ATG2B: variants seen among roughly 807,000 people sequenced by gnomAD.
ATG2B encodes autophagy-related protein 2 homolog B.
A neutral mutation model predicts 241.3 loss-of-function variants in ATG2B; 121 were observed. That is an observed-to-expected ratio of 0.50 (90% CI 0.43 to 0.58). The LOEUF is 0.58. ATG2B is among the 20% of genes least tolerant of loss of function. ATG2B has a pLI of 0.00. For synonymous variants in ATG2B, 858 were observed against 876.6 expected (o/e 0.98, Z 0.37); for missense variants, 2,306 against 2,491.6 (o/e 0.93, Z 1.59).
At chr14:96,344,311 A>C (rs982089759) in intron 4 of ATG2B, among the ~76,000 whole-genome samples, 2 of 152,230 alleles carry the variant, frequency 1.3e-5, no homozygotes, top group Admixed American at 1.3e-4. Context: ...AAATATGCCT[A>C]AATATTGCAT....
chr14:96,334,269 A>G, intron 7 of ATG2B, 136 bp downstream of exon 7: 1 of 625,560 alleles, frequency 1.6e-6, no homozygotes, highest in Non-Finnish European at 2.8e-6. Context: ...TTTACTACTT[A>G]ACATTCTTAT....
At chr14:96,305,171 C>T (rs934416623) in intron 31 of ATG2B, among the ~76,000 whole-genome samples, 50 of 152,312 alleles carry the variant, frequency 3.3e-4, no homozygotes, top group African/African-American at 8.2e-4. Context: ...GTCTCACAGG[C>T]GCTCAATGAC....
rs1310851833 is a variant in ATG2B at position 96,285,895 on chromosome 14, G to T, written c.6097C>A (p.Arg2033Ser). 6.2e-7 allele frequency: 1 copy of T among 1,614,064 alleles called. No individual in the cohort carries two copies. The highest frequency in any genetic ancestry group is 8.5e-7 in the Non-Finnish European group (1 of 1,180,030). Reference protein sequence around the residue: ...GVTGAVGEVLRQIPPAVVKPL... With the variant: ...GVTGAVGEVLSQIPPAVVKPL... ...TTCACCACTGCCGGAGGAATCTGGC[G>T]CAGAACCTCGCCCACGGCACCAGTC... The change falls in exon 42 of 42, where the codon CGC becomes AGC. Residue 2033 changes from arginine (R) to serine (S), a missense_variant. Arg to Ser is a moderately radical substitution (Grantham distance 110, BLOSUM62 -1). This residue lies in a region of ATG2B where 379 missense variants were observed against 480.4 expected (regional missense o/e 0.79). Transcript: ENST00000359933. The surrounding 1 kb of genome is among the most constrained non-coding windows in gnomAD (Gnocchi z 4.2).
chr14:96,290,099 G>A lies in ATG2B; in HGVS notation c.5857-294C>T. The A allele has an allele frequency of 1.6e-6, 2 of 1,225,106 alleles. No homozygotes were observed. The highest frequency in any genetic ancestry group is 2.1e-6 in the Non-Finnish European group (2 of 970,172). The allele number at this position is 1,225,106 out of a possible 1,614,324, so 75.9% of individuals were successfully genotyped here. A position where few individuals can be genotyped will look rare whatever the true frequency, so the allele number is the denominator to read the frequency against. On this transcript the variant is annotated intron_variant, in intron 40 of 41. Coordinates refer to ENST00000359933, the MANE Select transcript of ATG2B (RefSeq NM_018036.7). The surrounding 1 kb of genome is among the most constrained non-coding windows in gnomAD (Gnocchi z 4.4). The stretch of plus-strand genomic sequence containing the variant: ...AGTCTATGGAGCTTAATACTTACTA[G>A]AATGATCTTTAATACTTCTGTTTAA...
At chr14:96,342,864 T>G (rs1888078246) in intron 5 of ATG2B, among the ~76,000 whole-genome samples, 1 of 152,072 alleles carries the variant, frequency 6.6e-6, no homozygotes, top group African/African-American at 2.4e-5. Context: ...GATACTCAAC[T>G]TCTACACCAT....
chr14:96,349,226 G>T (rs1167476422), intron 1 of ATG2B, among the ~76,000 whole-genome samples: 7 of 152,186 alleles, frequency 4.6e-5, no homozygotes, highest in Non-Finnish European at 1.0e-4. Context: ...ATACATGCAG[G>T]CATATTTGAT....
chr14:96,291,481 G>T, intron 38 of ATG2B, 119 bp downstream of exon 38: 1 of 598,040 alleles, frequency 1.7e-6, no homozygotes, highest in Non-Finnish European at 2.9e-6. Flanking sequence ...CTAAAAATGA[G>T]CTCTCTAAAT....
intron 23 of ATG2B, among the ~76,000 whole-genome samples, chr14:96,313,724 T>G (rs976524628): frequency 2.6e-5 from 4 of 152,158 alleles, no homozygotes; most frequent in Non-Finnish European, 5.9e-5. Context: ...AAAAATAAAT[T>G]TTTTAAAAGT....
At position 96,312,168 on chromosome 14, in the gene ATG2B, A is replaced by G; in HGVS notation, c.3843-9T>C. On this transcript the variant is annotated splice_polypyrimidine_tract_variant and intron_variant, in intron 25 of 41. Transcript: ENST00000359933. ...CTTCATCCAAGATTATTCTGAGGCA[A>G]GAAAGATAAAACCAACATCTGAAAA... The G allele has an allele frequency of 6.3e-7, 1 of 1,594,524 alleles. No individual in the cohort carries two copies.
Position 96,285,504 on chromosome 14 carries a change from C to T in ATG2B, c.*251G>A. ...GTCATCTTAACAAAAGTGAGCCTTC[C>T]ACTAACTTGGCAGCAAATGCTTTAA... On this transcript the variant is annotated 3_prime_UTR_variant, in exon 42 of 42. Transcript: ENST00000359933. The surrounding 1 kb of genome is among the most constrained non-coding windows in gnomAD (Gnocchi z 4.2). The T allele has an allele frequency of 2.0e-6, 1 of 503,676 alleles. No individual in the cohort carries two copies. The highest frequency in any genetic ancestry group is 3.6e-6 in the Non-Finnish European group (1 of 279,164). The allele number at this position is 503,676 out of a possible 1,614,324, so 31.2% of individuals were successfully genotyped here. A position where few individuals can be genotyped will look rare whatever the true frequency, so the allele number is the denominator to read the frequency against.
chr14:96,293,003 T>G (rs1049456853), intron 36 of ATG2B: 2 of 152,232 alleles, frequency 1.3e-5, no homozygotes, highest in Admixed American at 6.5e-5. Flanking sequence ...TGTATTATTT[T>G]TATTGCCTTT....
chr14:96,309,858 A>C (rs1887101397), intron 28 of ATG2B, among the ~76,000 whole-genome samples: 1 of 152,218 alleles, frequency 6.6e-6, no homozygotes, highest in Non-Finnish European at 1.5e-5. Context: ...GCATTTGAAA[A>C]CAGGGAAGTT....
chr14:96,359,959 G>C (rs1046372755), intron 1 of ATG2B, among the ~76,000 whole-genome samples: 5 of 152,204 alleles, frequency 3.3e-5, no homozygotes, highest in Non-Finnish European at 7.3e-5. Context: ...CTGGTACAAA[G>C]AGAAAACTAG....
intron 34 of ATG2B, among the ~76,000 whole-genome samples, chr14:96,295,792 G>GA (rs1174469358): frequency 6.8e-6 from 1 of 147,740 alleles, no homozygotes; most frequent in African/African-American, 2.5e-5. Context: ...ACTTTATGAG[G>GA]AAATTAATTT....
chr14:96,315,360 G>A (rs1405356934), intron 22 of ATG2B, 24 bp downstream of exon 22: 2 of 1,603,778 alleles, frequency 1.2e-6, no homozygotes, highest in Non-Finnish European at 1.7e-6. Flanking sequence ...AATCAACAGT[G>A]GCATAAAAGT....
In ATG2B at chr14:96,332,342, T is replaced by G; in HGVS notation, c.1431A>C (p.Pro477=). Residue 477 remains proline (P), a synonymous_variant, in exon 10 of 42, where the codon CCA becomes CCC. Coordinates refer to ENST00000359933, the MANE Select transcript of ATG2B (RefSeq NM_018036.7). ...KEQPVRGSTF[P]SNLVHPTPLQ... ...AAGGTGTTGGGTGAACTAGGTTGGA[T>G]GGAAATGTTGACCCTCTTACTGGCT... 1 of 1,613,824 alleles carries G rather than the reference T, an allele frequency of 6.2e-7. No individual in the cohort carries two copies. The highest frequency in any genetic ancestry group is 8.5e-7 in the Non-Finnish European group (1 of 1,179,760).
rs1016328090 is a variant in ATG2B at position 96,332,225 on chromosome 14, A to G, written c.1468+80T>C. 2.9e-5 allele frequency: 35 copies of G among 1,189,202 alleles called. No homozygotes were observed. In the African/African-American group the frequency reaches 4.2e-4, roughly 14 times the overall value. 73.7% of individuals were successfully genotyped at this position (1,189,202 alleles called of 1,614,324 possible). A position where few individuals can be genotyped will look rare whatever the true frequency, so the allele number is the denominator to read the frequency against. On this transcript the variant is annotated intron_variant, in intron 10 of 41. Transcript: ENST00000359933. ...AATGGCCAAGACCAGAAAAAAAAAA[A>G]AAAGAAAGAAAAGCACCAGTAGAAT...
At chr14:96,298,687 G>T (rs1384071714) in intron 34 of ATG2B, among the ~76,000 whole-genome samples, 2 of 152,178 alleles carry the variant, frequency 1.3e-5, no homozygotes, top group African/African-American at 4.8e-5. Context: ...TTTACATGAA[G>T]TTGCAGAACA....
At chr14:96,308,275 T>C (rs1189268751) in intron 29 of ATG2B, among the ~76,000 whole-genome samples, 27 of 38,500 alleles carry the variant, frequency 7.0e-4, no homozygotes, top group Non-Finnish European at 1.2e-3. Context: ...TATATATATA[T>C]ATATATATTT....
Sources: gnomAD v4.1 joint callset for allele counts (sites outside exome capture counted in the v4.1 genomes callset) on GRCh38, gnomAD v4.1.1 for gene constraint, gnomAD v4.1.1 regional missense constraint, Gnocchi (gnomAD v3.1) non-coding constraint, MANE v1.5 for transcripts, NCBI Gene and HGNC (gene_info 2026-07-23, HGNC 2026-07-21) for gene names.